SNRPD3: variants seen among roughly 807,000 people sequenced by gnomAD.
SNRPD3 encodes small nuclear ribonucleoprotein D3 polypeptide.
For synonymous variants in SNRPD3, 66 were observed against 58.4 expected (o/e 1.13, Z -0.59); for missense variants, 73 against 167.5 (o/e 0.44, Z 3.11).
At chr22:24,563,202 A>ATGTGTGTGTGTGTG (rs1491542810) in intron 2 of SNRPD3, among the ~76,000 whole-genome samples, 39 of 138,878 alleles carry the variant, frequency 2.8e-4, no homozygotes, top group African/African-American at 1.0e-3. Context: ...ACCCTGTCTC[A>ATGTGTGTGTGTGTG]TATATGTGTG....
At chr22:24,555,834 T>C (rs1454479948), upstream of SNRPD3, 1 of 1,543,648 alleles carries the variant, frequency 6.5e-7, no homozygotes, top group Non-Finnish European at 8.7e-7. Flanking sequence ...ATCAGCCCTC[T>C]TTTCCGGTGC....
At chr22:24,570,357 G>A (rs1225915679) in intron 3 of SNRPD3, among the ~76,000 whole-genome samples, 1 of 152,214 alleles carries the variant, frequency 6.6e-6, no homozygotes, top group Non-Finnish European at 1.5e-5. Flanking sequence ...TTACGAGCTG[G>A]GAACCATAGA....
intron 2 of SNRPD3, among the ~76,000 whole-genome samples, chr22:24,558,782 G>T (rs765251283): frequency 6.6e-6 from 1 of 152,174 alleles, no homozygotes; most frequent in Admixed American, 6.5e-5. Context: ...GCGATTGCTC[G>T]TTAGAAGAGT....
chr22:24,555,927 G>T, upstream of SNRPD3: 2 of 1,269,178 alleles, frequency 1.6e-6, no homozygotes, highest in South Asian at 1.3e-5. Context: ...GCTCAACACT[G>T]GGGAAAGGAA....
intron 2 of SNRPD3, among the ~76,000 whole-genome samples, chr22:24,558,774 G>A (rs184223165): frequency 3.9e-5 from 6 of 152,312 alleles, no homozygotes; most frequent in African/African-American, 1.4e-4. Context: ...GCAAGGCAGC[G>A]ATTGCTCGTT....
At chr22:24,568,265 G>GTCAAACCCTCTCT in intron 3 of SNRPD3, 89 bp downstream of exon 3, 1 of 1,019,154 alleles carries the variant, frequency 9.8e-7, no homozygotes, top group Non-Finnish European at 1.5e-6. Flanking sequence ...AGACAGAGAG[G>GTCAAACCCTCTCT]GTTTGACCTC....
intron 2 of SNRPD3, among the ~76,000 whole-genome samples, chr22:24,564,195 G>T (rs1192523188): frequency 6.6e-6 from 1 of 152,138 alleles, no homozygotes; most frequent in Admixed American, 6.5e-5. Context: ...TTGTCCTAAA[G>T]AATGCATTTC....
At chr22:24,570,528 C>CAA (rs2045239608) in intron 3 of SNRPD3, among the ~76,000 whole-genome samples, 1 of 151,944 alleles carries the variant, frequency 6.6e-6, no homozygotes, top group African/African-American at 2.4e-5. Context: ...ACTAAAAATA[C>CAA]AAAAATTAGC....
rs2045263365 is a variant in SNRPD3, at chr22:24,573,078, C to T, written c.*1101C>T. ...AATTAACTTGGCATGGTGGTGCACACCTGTAGTCCTCGCTACTAGGGAGGC... is the reference window on the plus strand; with the variant it reads ...AATTAACTTGGCATGGTGGTGCACATCTGTAGTCCTCGCTACTAGGGAGGC... On this transcript the variant is annotated 3_prime_UTR_variant, in exon 4 of 4. Coordinates refer to ENST00000215829, the MANE Select transcript of SNRPD3 (RefSeq NM_004175.5). Among the ~76,000 whole-genome samples the T allele has an allele frequency of 6.6e-6, 1 of 152,090 alleles. No individual in the cohort carries two copies. The highest frequency in any genetic ancestry group is 2.4e-5 in the African/African-American group (1 of 41,388).
At position 24,557,669 on chromosome 22, in the gene SNRPD3, G is replaced by C; in HGVS notation, c.-6G>C. 6.2e-7 allele frequency: 1 copy of C among 1,611,802 alleles called. No homozygotes were observed. Among genetic ancestry groups the C allele is most frequent in the Non-Finnish European group, 8.5e-7 (1 of 1,178,688 alleles). ...TCTCTCATTGTAGAACTCTCTTCCT[G>C]CCAAGATGTCTATTGGTGTGCCGAT... On this transcript the variant is annotated 5_prime_UTR_variant, in exon 2 of 4. Coordinates refer to ENST00000215829, the MANE Select transcript of SNRPD3 (RefSeq NM_004175.5).
chr22:24,563,236 G>A (rs4822511), intron 2 of SNRPD3, among the ~76,000 whole-genome samples: 35,440 of 80,920 alleles, frequency 0.44, 4,460 homozygotes, highest in Middle Eastern at 0.51. Flanking sequence ...GTGTGTGTGT[G>A]TGTGTGTATG....
intron 2 of SNRPD3, among the ~76,000 whole-genome samples, chr22:24,561,729 TGTG>T (rs1212701426): frequency 1.3e-5 from 2 of 152,278 alleles, no homozygotes; most frequent in South Asian, 4.1e-4. Context: ...TGGGACAAAA[TGTG>T]GTGGCTACTC....
In SNRPD3 at chr22:24,563,236, G is replaced by GTGTGTA. The variant is rs1171990373; in HGVS notation, c.127-4743_127-4742insATGTGT. Among the ~76,000 whole-genome samples the GTGTGTA allele has an allele frequency of 2.3e-3, 185 of 81,920 alleles. 1 individual carries two copies. Among genetic ancestry groups the GTGTGTA allele is most frequent in the Non-Finnish European group, 3.6e-3 (138 of 37,830 alleles). 53.7% of individuals were successfully genotyped at this position (81,920 alleles called of 152,430 possible). A position where few individuals can be genotyped will look rare whatever the true frequency, so the allele number is the denominator to read the frequency against. ...TGTGTGTGTGTGTGTGTGTGTGTGT[G>GTGTGTA]TGTGTGTATGTGTGTATGTATGTAT... On this transcript the variant is annotated intron_variant, in intron 2 of 3. Transcript: ENST00000215829.
At chr22:24,562,388 C>T (rs1308529850) in intron 2 of SNRPD3, among the ~76,000 whole-genome samples, 1 of 151,924 alleles carries the variant, frequency 6.6e-6, no homozygotes, top group Non-Finnish European at 1.5e-5. Context: ...AAAAAAAATA[C>T]AAAAAATTAG....
At chr22:24,560,351 T>C (rs2045122225) in intron 2 of SNRPD3, among the ~76,000 whole-genome samples, 1 of 151,290 alleles carries the variant, frequency 6.6e-6, no homozygotes, top group Non-Finnish European at 1.5e-5. Flanking sequence ...CTCGAACTCC[T>C]GACCTTGTGA....
chr22:24,556,045 G>A lies in SNRPD3; in HGVS notation c.-45G>A. 1 of 619,400 alleles carries A rather than the reference G, an allele frequency of 1.6e-6. No homozygotes were observed. The highest frequency in any genetic ancestry group is 2.8e-6 in the Non-Finnish European group (1 of 354,714). The allele number at this position is 619,400 out of a possible 1,614,324, so 38.4% of individuals were successfully genotyped here. A position where few individuals can be genotyped will look rare whatever the true frequency, so the allele number is the denominator to read the frequency against. The stretch of plus-strand genomic sequence containing the variant: ...GCCGTAGCATCTTTCGCAGCGGACC[G>A]AAGAGAAGAAAAGTAGGCCAGAGCC... On this transcript the variant is annotated 5_prime_UTR_variant, in exon 1 of 4. Transcript: ENST00000215829.
At chr22:24,568,468 A>G (rs1224793303) in intron 3 of SNRPD3, among the ~76,000 whole-genome samples, 1 of 151,560 alleles carries the variant, frequency 6.6e-6, no homozygotes, top group Non-Finnish European at 1.5e-5. Context: ...CAGCCTTTCA[A>G]GTAGCTGAGA....
Position 24,563,208 on chromosome 22 carries a change from G to A in SNRPD3, c.127-4776G>A, listed in dbSNP as rs551431200. ...CACAGTGAGACCCTGTCTCATATAT[G>A]TGTGTGTGTGTGTGTGTGTGTGTGT... On this transcript the variant is annotated intron_variant, in intron 2 of 3. Transcript: ENST00000215829. 1.1e-3 allele frequency among the ~76,000 whole-genome samples: 90 copies of A among 82,082 alleles called. 2 individuals are homozygous for A. The highest frequency in any genetic ancestry group is 6.6e-3 in the Middle Eastern group (1 of 152). 53.8% of individuals were successfully genotyped at this position (82,082 alleles called of 152,430 possible).
chr22:24,568,223 G>GT, intron 3 of SNRPD3, 47 bp downstream of exon 3: 2 of 1,497,608 alleles, frequency 1.3e-6, no homozygotes, highest in Non-Finnish European at 1.8e-6. Flanking sequence ...TTTGTCTTGT[G>GT]TCTTGTAGAA....
Sources: gnomAD v4.1 joint callset for allele counts (sites outside exome capture counted in the v4.1 genomes callset) on GRCh38, gnomAD v4.1.1 for gene constraint, MANE v1.5 for transcripts, NCBI Gene and HGNC (gene_info 2026-07-23, HGNC 2026-07-21) for gene names.